Variants in USP53 observed in about 807,000 individuals in gnomAD.
USP53 encodes the protein ubiquitin carboxyl-terminal hydrolase 53.
USP53 carries 71 observed loss-of-function variants against 94.9 expected under a neutral mutation model. The ratio of observed to expected loss-of-function variants is 0.75; its 90% CI spans 0.62 to 0.91. USP53 has a LOEUF of 0.91. Among genes scored for constraint, USP53 ranks in the 40% least tolerant of loss-of-function variants. The pLI, the probability that USP53 is intolerant of heterozygous loss-of-function variation, is 0.00. For synonymous variants in USP53, 375 were observed against 422.7 expected, an observed-to-expected ratio of 0.89 and a Z score of 1.39; for missense variants, 1,173 against 1,281.0, an observed-to-expected ratio of 0.92 and a Z score of 1.29.
At chr4:119,221,446 T>G (rs924927719) in intron 3 of USP53, 8 of 148,290 alleles carry the variant, frequency 5.4e-5, no homozygotes, top group Non-Finnish European at 1.0e-4. Context: ...AAAAAAAAAT[T>G]AGTACTAGTA....
chr4:119,230,316 G>A (rs964990765), intron 3 of USP53, among the ~76,000 whole-genome samples: 1 of 152,068 alleles, frequency 6.6e-6, no homozygotes, highest in Non-Finnish European at 1.5e-5. Flanking sequence ...CCTGTATTTT[G>A]CCTTTGTCAC....
In USP53 at chr4:119,245,398, A is replaced by G; in HGVS notation, c.206A>G (p.Gln69Arg). 1 of 1,613,894 alleles carries G rather than the reference A, an allele frequency of 6.2e-7. No homozygotes were observed. Among genetic ancestry groups the G allele is most frequent in the Non-Finnish European group, 8.5e-7 (1 of 1,179,884 alleles). The part of the protein sequence containing the change: ...SLRVLTGHVC[Q>R]GDACIFCALK... Reference sequence around the variant, plus strand: ...CGGGTTTTGACTGGACATGTTTGTCAGGGAGATGCCTGTATATTTTGTGCA... The same window carrying G: ...CGGGTTTTGACTGGACATGTTTGTCGGGGAGATGCCTGTATATTTTGTGCA... Residue 69 changes from glutamine to arginine, a missense_variant, in exon 6 of 19, where the codon CAG (glutamine) becomes CGG (arginine). Transcript: ENST00000692078.
At chr4:119,216,686 T>C (rs1465044452) in intron 2 of USP53, among the ~76,000 whole-genome samples, 5 of 152,238 alleles carry the variant, frequency 3.3e-5, no homozygotes, top group African/African-American at 1.2e-4. Context: ...GATAGCTCCG[T>C]AACAAAATTG....
At chr4:119,269,969 A>T in intron 15 of USP53, 132 bp downstream of exon 15, 4 of 271,914 alleles carry the variant, frequency 1.5e-5, no homozygotes, top group South Asian at 1.5e-4. Context: ...ATATAAGTTA[A>T]ATATATATAC....
In USP53 at chr4:119,213,660, ATG is replaced by A. The variant is rs1553962017; in HGVS notation, c.-941-398_-941-397del. ...GAAATAGATATATATATATATATAT[ATG>A]TGTGTGTGTGTATGTATGTATGTAT... On this transcript the variant is annotated intron_variant, in intron 1 of 18. Coordinates refer to ENST00000692078, the MANE Select transcript of USP53 (RefSeq NM_001371395.1). 1.5e-4 allele frequency among the ~76,000 whole-genome samples: 18 copies of A among 117,772 alleles called. 2 individuals are homozygous for A. The highest frequency in any genetic ancestry group is 4.7e-4 in the African/African-American group (13 of 27,782). 77.3% of individuals were successfully genotyped at this position (117,772 alleles called of 152,430 possible). A position where few individuals can be genotyped will look rare whatever the true frequency, so the allele number is the denominator to read the frequency against.
chr4:119,288,013 T>G (rs1754313371), intron 17 of USP53, among the ~76,000 whole-genome samples: 1 of 152,204 alleles, frequency 6.6e-6, no homozygotes, highest in Non-Finnish European at 1.5e-5. Flanking sequence ...AGACAACTAT[T>G]ACCAACTAGA....
chr4:119,217,252 G>T (rs180918491), intron 2 of USP53, among the ~76,000 whole-genome samples: 1 of 152,088 alleles, frequency 6.6e-6, no homozygotes, highest in Admixed American at 6.5e-5. Context: ...ATAAACTGTT[G>T]CCCCTCTCAT....
chr4:119,228,923 T>C (rs1000498892), intron 3 of USP53, among the ~76,000 whole-genome samples: 1 of 151,602 alleles, frequency 6.6e-6, no homozygotes, highest in Non-Finnish European at 1.5e-5. Flanking sequence ...GAAGGAAGAG[T>C]AAGGAAAACT....
At chr4:119,249,731 C>T (rs897731573) in intron 7 of USP53, among the ~76,000 whole-genome samples, 3 of 137,446 alleles carry the variant, frequency 2.2e-5, no homozygotes, top group Non-Finnish European at 4.6e-5. Flanking sequence ...GTGGTGTGAT[C>T]TCGGCTCACT....
intron 5 of USP53, among the ~76,000 whole-genome samples, chr4:119,243,146 A>G (rs1482909378): frequency 6.6e-6 from 1 of 152,230 alleles, no homozygotes; most frequent in Non-Finnish European, 1.5e-5. Context: ...TAATTAGTTC[A>G]ATAACTATCT....
rs556107275 is a variant in USP53, at chr4:119,225,848, G to T, written c.-665+8175G>T. ...ATCCCTCATGAATACAGATGTAAAAGTTATTTAAAATTTATTAGCAAATTA... is the reference window on the plus strand; with the variant it reads ...ATCCCTCATGAATACAGATGTAAAATTTATTTAAAATTTATTAGCAAATTA... On this transcript the variant is annotated intron_variant, in intron 3 of 18. Coordinates refer to ENST00000692078, the MANE Select transcript of USP53 (RefSeq NM_001371395.1). Among the ~76,000 whole-genome samples the T allele has an allele frequency of 3.9e-5, 6 of 152,122 alleles. No homozygotes were observed. The East Asian group carries it at 1.2e-3, about 29-fold the overall frequency.
At position 119,294,183 on chromosome 4, in the gene USP53, C is replaced by T. The variant is rs931272230; in HGVS notation, c.*972C>T. Reference sequence around the variant, plus strand: ...TAGGGCACCCTCTTATTGGGAATGTCACTGTAATTGCCTACATTTTCTTTG... The same window carrying T: ...TAGGGCACCCTCTTATTGGGAATGTTACTGTAATTGCCTACATTTTCTTTG... On this transcript the variant is annotated 3_prime_UTR_variant, in exon 19 of 19. Transcript: ENST00000692078. 2 of 151,992 alleles carry T rather than the reference C, an allele frequency of 1.3e-5. No individual in the cohort carries two copies. Among genetic ancestry groups the T allele is most frequent in the African/African-American group, 4.8e-5 (2 of 41,406 alleles). 9.4% of individuals were successfully genotyped at this position (151,992 alleles called of 1,614,324 possible). A position where few individuals can be genotyped will look rare whatever the true frequency, so the allele number is the denominator to read the frequency against.
intron 1 of USP53, chr4:119,213,100 A>T (rs1255173701): frequency 6.5e-6 from 1 of 153,344 alleles, no homozygotes; most frequent in Non-Finnish European, 1.5e-5. Context: ...TCTGGCGGAG[A>T]TGCCTCTGGC....
chr4:119,267,166 TA>T, intron 12 of USP53, among the ~76,000 whole-genome samples, 153 bp from the exon 13 acceptor site: 1 of 152,332 alleles, frequency 6.6e-6, no homozygotes, highest in Non-Finnish European at 1.5e-5. Flanking sequence ...GACTAGTTAC[TA>T]AATACAGTTA....
In USP53 at chr4:119,212,720, G is replaced by A; in HGVS notation, c.-1095G>A. 1 of 342,698 alleles carries A rather than the reference G, an allele frequency of 2.9e-6. No homozygotes were observed. The highest frequency in any genetic ancestry group is 3.8e-5 in the Admixed American group (1 of 26,302). 21.2% of individuals were successfully genotyped at this position (342,698 alleles called of 1,614,324 possible). On this transcript the variant is annotated 5_prime_UTR_variant, in exon 1 of 19. Transcript: ENST00000692078. ...ACCAGCCGCCTGTGCTCCAGTTCCC[G>A]GTGAGCCTCGGTACTGTGGCAGCAG...
In USP53 at chr4:119,280,196, T is replaced by G. The variant is rs188792140; in HGVS notation, c.2251+6488T>G. ...TAAAGATAGCATTAGATTGCTTCCT[T>G]TTTTGATTTAGATGATGAAGTCTTT... On this transcript the variant is annotated intron_variant, in intron 17 of 18. Coordinates refer to ENST00000692078, the MANE Select transcript of USP53 (RefSeq NM_001371395.1). Among the ~76,000 whole-genome samples, 4 of 152,256 alleles carry G rather than the reference T, an allele frequency of 2.6e-5. No homozygotes were observed. The East Asian group carries it at 7.7e-4, about 29-fold the overall frequency.
rs372073487 is a variant in USP53 at position 119,272,026 on chromosome 4, A to G, written c.2166A>G (p.Val722=). 234 of 1,578,150 alleles carry G rather than the reference A, an allele frequency of 1.5e-4. No individual in the cohort carries two copies. The highest frequency in any genetic ancestry group is 1.9e-4 in the Non-Finnish European group (222 of 1,164,978). The change falls in exon 16 of 19, where the codon GTA becomes GTG. Residue 722 remains valine (V), a synonymous_variant. Transcript: ENST00000692078. ...VMDISGVKET[V]CFSDQITTSN... is the part of the protein sequence containing the mutation. ...ATATCAGTGGTGTTAAAGAAACAGT[A>G]TGCTTCAGGTAATGTAAAAGTTGAG...
At chr4:119,275,641 A>T in intron 17 of USP53, among the ~76,000 whole-genome samples, 1 of 151,906 alleles carries the variant, frequency 6.6e-6, no homozygotes, top group Non-Finnish European at 1.5e-5. Flanking sequence ...GAAGAAAGTC[A>T]TTGGTAGCTT....
chr4:119,279,351 T>A (rs1484478763), intron 17 of USP53, among the ~76,000 whole-genome samples: 10 of 149,200 alleles, frequency 6.7e-5, no homozygotes, highest in African/African-American at 2.5e-4. Flanking sequence ...TCTGTTGGAG[T>A]ACCCTGCCGT....
Sources: allele counts gnomAD v4.1 joint callset (sites outside exome capture counted in the v4.1 genomes callset), GRCh38; gene constraint gnomAD v4.1.1; transcripts MANE v1.5; gene names NCBI Gene and HGNC (gene_info 2026-07-23, HGNC 2026-07-21).